Variants in MTF2 observed in about 807,000 individuals in gnomAD.
MTF2 encodes the protein metal-response element-binding transcription factor 2.
Under a neutral mutation model 79.5 loss-of-function variants are expected in MTF2, and 11 were observed. The ratio of observed to expected loss-of-function variants is 0.14; its 90% CI spans 0.09 to 0.23. MTF2 has a LOEUF of 0.23. Ranked by LOEUF, MTF2 falls within the 10% of genes least tolerant of loss-of-function variation. MTF2 has a pLI of 1.00. For synonymous variants in MTF2, 208 were observed against 232.8 expected, an observed-to-expected ratio of 0.89 and a Z score of 0.97; for missense variants, 486 against 711.2, an observed-to-expected ratio of 0.68 and a Z score of 3.60.
rs1166723863 is a variant in MTF2 at position 93,110,363 on chromosome 1, G to A, written c.139G>A (p.Glu47Lys). Residue 47 changes from glutamate to lysine, a missense_variant, in exon 2 of 15, where the codon GAA becomes AAA. This residue lies in a region of MTF2 where 75 missense variants were observed against 83.8 expected (regional missense o/e 0.89). Coordinates refer to ENST00000370298, the MANE Select transcript of MTF2 (RefSeq NM_007358.4). ...AGCCAAAAAGCCAGCATGTAAATTT[G>A]AAGAGGGTCAGGATGTCCTAGCTAG... is the stretch of plus-strand genomic sequence containing the variant. ...HKAKKPACKF[E>K]EGQDVLARWS... 6.2e-7 allele frequency: 1 copy of A among 1,614,192 alleles called. No individual in the cohort carries two copies. The highest frequency in any genetic ancestry group is 2.2e-5 in the East Asian group (1 of 44,876).
intron 7 of MTF2, 37 bp from the exon 8 acceptor site, chr1:93,119,296 T>C: frequency 7.2e-7 from 1 of 1,390,478 alleles, no homozygotes; most frequent in East Asian, 2.5e-5. Context: ...CTCTGATGAC[T>C]CAGTATAAAA....
At chr1:93,090,202 T>G (rs1655018029) in intron 1 of MTF2, among the ~76,000 whole-genome samples, 1 of 152,150 alleles carries the variant, frequency 6.6e-6, no homozygotes, top group Non-Finnish European at 1.5e-5. Context: ...GGTCTCCATC[T>G]CCTGACCTCG....
At chr1:93,093,326 A>G (rs183525076) in intron 1 of MTF2, among the ~76,000 whole-genome samples, 47 of 152,312 alleles carry the variant, frequency 3.1e-4, no homozygotes, top group African/African-American at 1.1e-3. Flanking sequence ...TAAAATCTTC[A>G]TACATCTTCA....
At chr1:93,119,049 G>A (rs4847399) in intron 7 of MTF2, among the ~76,000 whole-genome samples, 73,554 of 152,138 alleles carry the variant, frequency 0.48, 21,898 homozygotes, top group South Asian at 0.68. Flanking sequence ...ACACACAAGC[G>A]ATTAGTAAAC....
chr1:93,087,309 CG>C (rs1264147628), intron 1 of MTF2, among the ~76,000 whole-genome samples: 1 of 152,114 alleles, frequency 6.6e-6, no homozygotes, highest in African/African-American at 2.4e-5. Flanking sequence ...TGGTGGCTCA[CG>C]CCTGTAATCC....
intron 1 of MTF2, among the ~76,000 whole-genome samples, chr1:93,089,087 C>CT (rs1261864613): frequency 6.6e-6 from 1 of 152,024 alleles, no homozygotes; most frequent in Non-Finnish European, 1.5e-5. Flanking sequence ...ATTGTAAACA[C>CT]CTCTGTTCAT....
intron 1 of MTF2, among the ~76,000 whole-genome samples, chr1:93,104,556 G>A (rs1372059628): frequency 6.6e-6 from 1 of 151,534 alleles, no homozygotes; most frequent in African/African-American, 2.4e-5. Context: ...GCATGCACCT[G>A]TAATCCCAGC....
In MTF2 at chr1:93,129,387, G is replaced by A; in HGVS notation, c.1099G>A (p.Gly367Arg). 1 of 1,579,106 alleles carries A rather than the reference G, an allele frequency of 6.3e-7. No individual in the cohort carries two copies. Among genetic ancestry groups the A allele is most frequent in the Non-Finnish European group, 8.6e-7 (1 of 1,156,532 alleles). The change falls in exon 11 of 15, where the codon GGA becomes AGA. Residue 367 changes from glycine (G) to arginine (R), a missense_variant. By Grantham distance (125) the Gly-to-Arg change is moderately radical (BLOSUM62 -2). Coordinates refer to ENST00000370298, the MANE Select transcript of MTF2 (RefSeq NM_007358.4). Reference protein sequence around the residue: ...VAFKAEKEPEGTSHEFKIKGR... With the variant: ...VAFKAEKEPERTSHEFKIKGR... ...TTTCAAAGCAGAGAAAGAACCTGAA[G>A]GAACATCTCATGAATTTAAAATTAA...
chr1:93,136,666 A>C lies in MTF2; in HGVS notation c.1425-4A>C. ...AGACAATTCTGGCCTTCTCTGTTAC[A>C]TAGATTATCTGACTCCAGAAAAAGA... On this transcript the variant is annotated splice_polypyrimidine_tract_variant and splice_region_variant and intron_variant, in intron 14 of 14. Coordinates refer to ENST00000370298, the MANE Select transcript of MTF2 (RefSeq NM_007358.4). The C allele has an allele frequency of 6.2e-7, 1 of 1,610,326 alleles. No individual in the cohort carries two copies. The highest frequency in any genetic ancestry group is 8.5e-7 in the Non-Finnish European group (1 of 1,178,344).
intron 1 of MTF2, among the ~76,000 whole-genome samples, chr1:93,103,314 T>G (rs1033491559): frequency 6.6e-6 from 1 of 151,592 alleles, no homozygotes; most frequent in Non-Finnish European, 1.5e-5. Context: ...GAATGAAGTT[T>G]ATATTACTGC....
chr1:93,124,255 T>C (rs143417193), intron 9 of MTF2, among the ~76,000 whole-genome samples: 289 of 152,182 alleles, frequency 1.9e-3, no homozygotes, highest in Non-Finnish European at 3.4e-3. Context: ...TTGGATTATT[T>C]TCTTTGAGAT....
rs74101437 is a variant in MTF2, at chr1:93,111,965, C to G, written c.286+1339C>G. 5.2e-3 allele frequency among the ~76,000 whole-genome samples: 784 copies of G among 152,148 alleles called. 8 individuals are homozygous for G. Among genetic ancestry groups the G allele is most frequent in the African/African-American group, 0.018 (747 of 41,500 alleles). On this transcript the variant is annotated intron_variant, in intron 3 of 14. Coordinates refer to ENST00000370298, the MANE Select transcript of MTF2 (RefSeq NM_007358.4). ...TTCCTGTGGATTTAATGTAATAGGTCTGTCTGTCCTTTTGTCTACTTCCTC... is the reference window on the plus strand; with the variant it reads ...TTCCTGTGGATTTAATGTAATAGGTGTGTCTGTCCTTTTGTCTACTTCCTC...
chr1:93,120,115 T>G (rs987749492), intron 8 of MTF2: 2 of 152,734 alleles, frequency 1.3e-5, no homozygotes, highest in South Asian at 4.1e-4. Flanking sequence ...AAACCACGTT[T>G]CTACTAAAAA....
chr1:93,137,004 T>C lies in MTF2; in HGVS notation c.1759T>C (p.Trp587Arg). 1 of 1,613,774 alleles carries C rather than the reference T, an allele frequency of 6.2e-7. No homozygotes were observed. Among genetic ancestry groups the C allele is most frequent in the Non-Finnish European group, 8.5e-7 (1 of 1,179,924 alleles). ...TGGAAAGGTGCAGTATCTTGTGGAA[T>C]GGGAAGGAGCAACTGCATCCTGACT... ...LDGKVQYLVE[W>R]EGATAS Residue 587 changes from tryptophan to arginine, a missense_variant, in exon 15 of 15, where the codon TGG (tryptophan) becomes CGG (arginine). Coordinates refer to ENST00000370298, the MANE Select transcript of MTF2 (RefSeq NM_007358.4).
chr1:93,112,468 CTT>C (rs1395676746), intron 3 of MTF2, among the ~76,000 whole-genome samples: 1 of 152,154 alleles, frequency 6.6e-6, no homozygotes, highest in Non-Finnish European at 1.5e-5. Context: ...GGTTTTGAAT[CTT>C]AGCATCTAAT....
At chr1:93,113,861 A>G (rs1290115024) in intron 3 of MTF2, among the ~76,000 whole-genome samples, 2 of 152,214 alleles carry the variant, frequency 1.3e-5, no homozygotes, top group East Asian at 1.9e-4. Flanking sequence ...TGCTTGGCCC[A>G]TAGCACAAAA....
chr1:93,111,344 G>GT (rs1656021613), intron 3 of MTF2, among the ~76,000 whole-genome samples: 1 of 152,030 alleles, frequency 6.6e-6, no homozygotes, highest in South Asian at 2.1e-4. Flanking sequence ...CTTTTGCTGG[G>GT]TTAATAGGCC....
At chr1:93,099,790 G>A (rs1343591872) in intron 1 of MTF2, among the ~76,000 whole-genome samples, 1 of 152,132 alleles carries the variant, frequency 6.6e-6, no homozygotes, top group Non-Finnish European at 1.5e-5. Flanking sequence ...AGAAGCAGGA[G>A]TTACATGTGG....
chr1:93,106,964 A>G (rs1200136346), intron 1 of MTF2, among the ~76,000 whole-genome samples: 3 of 152,178 alleles, frequency 2.0e-5, no homozygotes, highest in Non-Finnish European at 2.9e-5. Context: ...TTCTTCCTGC[A>G]TTTTTACTTC....
Sources: allele counts gnomAD v4.1 joint callset (sites outside exome capture counted in the v4.1 genomes callset), GRCh38; gene constraint gnomAD v4.1.1; regional missense constraint gnomAD v4.1.1; transcripts MANE v1.5; gene names NCBI Gene and HGNC (gene_info 2026-07-23, HGNC 2026-07-21).